Variants in NWD1 observed in about 807,000 individuals in gnomAD.
NWD1 encodes the protein NACHT domain- and WD repeat-containing protein 1.
In NWD1, 129 loss-of-function variants were observed where a neutral mutation model predicts 135.1. The observed-to-expected ratio is 0.96, with a 90% CI of 0.83 to 1.11. NWD1 has a LOEUF of 1.11. NWD1 is among the 50% of genes least tolerant of loss of function. NWD1 has a pLI of 0.00. For synonymous variants in NWD1, 773 were observed against 786.0 expected (o/e 0.98, Z 0.28); for missense variants, 1,740 against 1,851.3 (o/e 0.94, Z 1.10).
intron 11 of NWD1, among the ~76,000 whole-genome samples, chr19:16,778,491 CTTCTT>C (rs762104324): frequency 1.7e-3 from 86 of 50,302 alleles, no homozygotes; most frequent in Non-Finnish European, 2.0e-3. Context: ...TCTTCTTCTT[CTTCTT>C]TTTTTTTTTT....
chr19:16,739,545 A>G (rs1003935397), intron 4 of NWD1, among the ~76,000 whole-genome samples: 8 of 151,996 alleles, frequency 5.3e-5, no homozygotes, highest in Non-Finnish European at 5.9e-5. Context: ...GAAAGGCCCT[A>G]TGGCCAGCTG....
chr19:16,799,377 G>A (rs1741504525), intron 16 of NWD1, among the ~76,000 whole-genome samples: 1 of 151,504 alleles, frequency 6.6e-6, no homozygotes, highest in Non-Finnish European at 1.5e-5. Flanking sequence ...TGTATTTTTA[G>A]TAGAGATGGG....
Position 16,807,602 on chromosome 19 carries a change from C to G in NWD1, c.3753C>G (p.Ser1251=). ...WDLAEGEEQD[S]LDTSSEIRCL... Reference sequence around the variant, plus strand: ...CCCTGGCAGGCGAGGAACAAGATTCCCTGGACACCTCCAGTGAGATCAGGT... The same window carrying G: ...CCCTGGCAGGCGAGGAACAAGATTCGCTGGACACCTCCAGTGAGATCAGGT... Residue 1251 remains serine (S), a synonymous_variant, in exon 18 of 19, where the codon TCC becomes TCG. Transcript: ENST00000524140. 6.6e-7 allele frequency: 1 copy of G among 1,524,624 alleles called. No individual in the cohort carries two copies. The highest frequency in any genetic ancestry group is 8.8e-7 in the Non-Finnish European group (1 of 1,136,480). 94.4% of individuals were successfully genotyped at this position (1,524,624 alleles called of 1,614,324 possible).
chr19:16,751,093 G>A (rs773913), intron 6 of NWD1, among the ~76,000 whole-genome samples: 13,787 of 151,776 alleles, frequency 0.091, 1,071 homozygotes, highest in African/African-American at 0.21. Context: ...GCGTGGTGGT[G>A]CATGCCTGTA....
intron 10 of NWD1, among the ~76,000 whole-genome samples, chr19:16,771,567 T>C (rs1791578787): frequency 6.6e-6 from 1 of 152,220 alleles, no homozygotes; most frequent in Non-Finnish European, 1.5e-5. Flanking sequence ...TAAACCTTGA[T>C]GGAGCAACTT....
At chr19:16,790,990 G>A (rs568397934) in intron 13 of NWD1, among the ~76,000 whole-genome samples, 92 of 152,240 alleles carry the variant, frequency 6.0e-4, no homozygotes, top group African/African-American at 2.1e-3. Flanking sequence ...CCAGCACTTT[G>A]AGAGGCTGAG....
intron 18 of NWD1, among the ~76,000 whole-genome samples, chr19:16,809,376 GAAGT>G (rs1331533445): frequency 3.3e-5 from 5 of 151,582 alleles, no homozygotes; most frequent in Non-Finnish European, 7.4e-5. Flanking sequence ...ACCTGGCCAA[GAAGT>G]AATATTTTAA....
intron 4 of NWD1, 51 bp downstream of exon 4, chr19:16,736,801 C>A (rs1170257156): frequency 2.8e-6 from 3 of 1,079,524 alleles, no homozygotes; most frequent in Non-Finnish European, 2.7e-6. Context: ...AGGATATGCC[C>A]CCTGCTTTCT....
At chr19:16,768,499 A>C (rs1187020176) in intron 10 of NWD1, among the ~76,000 whole-genome samples, 1 of 152,200 alleles carries the variant, frequency 6.6e-6, no homozygotes, top group Non-Finnish European at 1.5e-5. Flanking sequence ...CGACCACTTC[A>C]TTTTCCACAA....
At position 16,769,680 on chromosome 19, in the gene NWD1, C is replaced by G. The variant is rs571386938; in HGVS notation, c.2411-3446C>G. 9.9e-5 allele frequency among the ~76,000 whole-genome samples: 15 copies of G among 152,278 alleles called. No individual in the cohort carries two copies. In the South Asian group the frequency reaches 3.1e-3, roughly 32 times the overall value. ...GGGCCCTGGGCTGGGACTCGCCTCC[C>G]CCAGCCCTTCTGTGGCAACTTTGGA... On this transcript the variant is annotated intron_variant, in intron 10 of 18. Coordinates refer to ENST00000524140, the MANE Select transcript of NWD1 (RefSeq NM_001007525.5).
At chr19:16,800,255 T>C (rs1970563720) in intron 17 of NWD1, 93 bp downstream of exon 17, 20 of 1,274,372 alleles carry the variant, frequency 1.6e-5, no homozygotes, top group Non-Finnish European at 2.2e-5. Context: ...CCCCACAGGC[T>C]GGGCCCCATG....
At position 16,764,870 on chromosome 19, in the gene NWD1, C is replaced by T. The variant is rs1409602511; in HGVS notation, c.2252-164C>T. Reference sequence around the variant, plus strand: ...GCCAGGGTTGCTGCTTTACATCCCACAATGCATAGTTCAGCCCCTTACCAC... The same window carrying T: ...GCCAGGGTTGCTGCTTTACATCCCATAATGCATAGTTCAGCCCCTTACCAC... On this transcript the variant is annotated intron_variant, in intron 9 of 18. Coordinates refer to ENST00000524140, the MANE Select transcript of NWD1 (RefSeq NM_001007525.5). 3.3e-5 allele frequency among the ~76,000 whole-genome samples: 5 copies of T among 152,274 alleles called. 1 individual carries two copies. In the South Asian group the frequency reaches 1.0e-3, roughly 32 times the overall value.
At chr19:16,803,651 T>G (rs1181406295) in intron 17 of NWD1, among the ~76,000 whole-genome samples, 1 of 151,428 alleles carries the variant, frequency 6.6e-6, no homozygotes, top group Non-Finnish European at 1.5e-5. Context: ...GTGTGGTGGC[T>G]CACACCTGTA....
intron 14 of NWD1, among the ~76,000 whole-genome samples, chr19:16,793,829 G>A (rs920999555): frequency 1.3e-5 from 2 of 150,390 alleles, no homozygotes; most frequent in Non-Finnish European, 3.0e-5. Flanking sequence ...CACCCACTTC[G>A]GTCTCCCAAA....
At chr19:16,770,779 T>C (rs1384776672) in intron 10 of NWD1, among the ~76,000 whole-genome samples, 1 of 152,168 alleles carries the variant, frequency 6.6e-6, no homozygotes, top group African/African-American at 2.4e-5. Flanking sequence ...ATTGTTGACA[T>C]GAATAGCCTA....
At chr19:16,772,473 C>T (rs972573507) in intron 10 of NWD1, among the ~76,000 whole-genome samples, 1 of 152,092 alleles carries the variant, frequency 6.6e-6, no homozygotes, top group Non-Finnish European at 1.5e-5. Flanking sequence ...TGGTGAAACC[C>T]CGTTTCCACT....
At chr19:16,799,431 T>C (rs1394432931) in intron 16 of NWD1, among the ~76,000 whole-genome samples, 1 of 151,942 alleles carries the variant, frequency 6.6e-6, no homozygotes, top group Non-Finnish European at 1.5e-5. Flanking sequence ...CCTGACCTCA[T>C]GATCCACCCG....
intron 11 of NWD1, among the ~76,000 whole-genome samples, chr19:16,775,116 G>A (rs1969553397): frequency 1.3e-5 from 2 of 152,090 alleles, no homozygotes; most frequent in Non-Finnish European, 2.9e-5. Flanking sequence ...ACATGACCTG[G>A]CAGTGAGAGC....
intron 4 of NWD1, among the ~76,000 whole-genome samples, chr19:16,738,860 C>CATTATATATAATATATAATATATTATA (rs1568340262): frequency 7.7e-6 from 1 of 130,162 alleles, no homozygotes; most frequent in African/African-American, 3.0e-5. Context: ...AATACATTAT[C>CATTATATATAATATATAATATATTATA]TATAATATAT....
Sources: gnomAD v4.1 joint callset for allele counts (sites outside exome capture counted in the v4.1 genomes callset) on GRCh38, gnomAD v4.1.1 for gene constraint, MANE v1.5 for transcripts, NCBI Gene and HGNC (gene_info 2026-07-23, HGNC 2026-07-21) for gene names.